Variants in GRK5 observed in about 807,000 individuals in gnomAD.
The protein encoded by GRK5 is G protein-coupled receptor kinase 5.
GRK5 carries 40 observed loss-of-function variants against 78.4 expected under a neutral mutation model. That is an observed-to-expected ratio of 0.51 (90% CI 0.40 to 0.66). The LOEUF (loss-of-function observed/expected upper bound fraction) is 0.66, where lower values mean the gene tolerates loss of function less well. GRK5 is among the 30% of genes least tolerant of loss of function. The pLI, the probability that GRK5 is intolerant of heterozygous loss-of-function variation, is 0.00. For missense variants in GRK5, 598 were observed against 759.9 expected, an observed-to-expected ratio of 0.79 and a Z score of 2.50; for synonymous variants, 289 against 296.8, an observed-to-expected ratio of 0.97 and a Z score of 0.27.
Position 119,454,950 on chromosome 10 carries a change from C to CCCCCAA in GRK5, c.1675-7_1675-2dup, listed in dbSNP as rs1298624176. 5 of 1,563,160 alleles carry CCCCCAA rather than the reference C, an allele frequency of 3.2e-6. No individual in the cohort carries two copies. The highest frequency in any genetic ancestry group is 3.5e-6 in the Non-Finnish European group (4 of 1,134,874). Reference sequence around the variant, plus strand: ...GACTTCTGTTCTCTCCACCCCGTCTCCCCCAACCCCAACCCCAGCATCAGA... The same window carrying CCCCCAA: ...GACTTCTGTTCTCTCCACCCCGTCTCCCCCAACCCCAACCCCAACCCCAGCATCAGA... On this transcript the variant is annotated intron_variant, in intron 15 of 15. Transcript: ENST00000392870.
intron 1 of GRK5, among the ~76,000 whole-genome samples, chr10:119,213,646 T>TG (rs949343297): frequency 6.6e-5 from 10 of 152,256 alleles, no homozygotes; most frequent in South Asian, 2.1e-4. Context: ...AGATGTATTT[T>TG]GGGGGGGCAG....
intron 12 of GRK5, among the ~76,000 whole-genome samples, chr10:119,446,577 TG>T (rs1160983074): frequency 1.3e-4 from 20 of 151,920 alleles, no homozygotes; most frequent in African/African-American, 4.8e-4. Context: ...GTGCAGCACC[TG>T]GGCCCAGCCC....
At chr10:119,277,879 C>A (rs1564873926) in intron 1 of GRK5, among the ~76,000 whole-genome samples, 1 of 151,848 alleles carries the variant, frequency 6.6e-6, no homozygotes, top group African/African-American at 2.4e-5. Flanking sequence ...ACTTACTCAG[C>A]ATGAAGATTT....
At chr10:119,249,790 T>G (rs754411270) in intron 1 of GRK5, among the ~76,000 whole-genome samples, 1 of 152,272 alleles carries the variant, frequency 6.6e-6, no homozygotes, top group Non-Finnish European at 1.5e-5. Flanking sequence ...CGTGAGCCAC[T>G]GCGTCCAGCT....
intron 2 of GRK5, among the ~76,000 whole-genome samples, chr10:119,341,679 T>C (rs1426787447): frequency 6.6e-6 from 1 of 152,100 alleles, no homozygotes; most frequent in Admixed American, 6.6e-5. Context: ...TGGGTCTGCC[T>C]GACTGTGTTT....
At chr10:119,337,866 C>T (rs947392177) in intron 2 of GRK5, among the ~76,000 whole-genome samples, 3 of 152,108 alleles carry the variant, frequency 2.0e-5, no homozygotes, top group Non-Finnish European at 4.4e-5. Flanking sequence ...AGGAGATCCT[C>T]CTGCCTTGGC....
At chr10:119,224,388 TATTATTTA>T (rs1296058578) in intron 1 of GRK5, among the ~76,000 whole-genome samples, 6 of 118,552 alleles carry the variant, frequency 5.1e-5, no homozygotes, top group Non-Finnish European at 1.1e-4. Context: ...TTTATTAATT[TATTATTTA>T]TTTATTTATT....
At chr10:119,375,467 C>G (rs1350520717) in intron 2 of GRK5, among the ~76,000 whole-genome samples, 2 of 152,218 alleles carry the variant, frequency 1.3e-5, no homozygotes, top group African/African-American at 4.8e-5. Flanking sequence ...GTCTTGCCCC[C>G]TCTGCCACGA....
intron 1 of GRK5, among the ~76,000 whole-genome samples, chr10:119,326,233 C>G (rs1055081481): frequency 2.4e-4 from 36 of 152,240 alleles, no homozygotes; most frequent in African/African-American, 7.7e-4. Context: ...TCTAGGGGAA[C>G]AGCCGTGGGG....
At position 119,352,338 on chromosome 10, in the gene GRK5, A is replaced by G. The variant is rs145144463; in HGVS notation, c.148+25727A>G. On this transcript the variant is annotated intron_variant, in intron 2 of 15. Transcript: ENST00000392870. ...GATAAGAGGGAAAGGGTAAAAGTAC[A>G]TATCTCCCAATGTGTGAGCCCCTTG... is the stretch of plus-strand genomic sequence containing the variant. Among the ~76,000 whole-genome samples, 216 of 152,300 alleles carry G rather than the reference A, an allele frequency of 1.4e-3. 2 individuals carry two copies. The highest frequency in any genetic ancestry group is 0.011 in the South Asian group (55 of 4,814).
intron 1 of GRK5, among the ~76,000 whole-genome samples, chr10:119,216,869 TG>T (rs1848583766): frequency 6.6e-6 from 1 of 151,934 alleles, no homozygotes; most frequent in South Asian, 2.1e-4. Context: ...GCAGGAGAAT[TG>T]TTTGAACCTG....
intron 2 of GRK5, among the ~76,000 whole-genome samples, chr10:119,367,927 C>T (rs1178265952): frequency 6.6e-6 from 1 of 152,252 alleles, no homozygotes; most frequent in African/African-American, 2.4e-5. Flanking sequence ...CCTCGCTAGA[C>T]CCCGGCCAGT....
chr10:119,270,013 G>A (rs990105648), intron 1 of GRK5, among the ~76,000 whole-genome samples: 1 of 152,076 alleles, frequency 6.6e-6, no homozygotes, highest in Non-Finnish European at 1.5e-5. Flanking sequence ...TACCTTGAAT[G>A]TACCTTCCTA....
At chr10:119,296,720 T>C (rs1850088530) in intron 1 of GRK5, among the ~76,000 whole-genome samples, 1 of 152,206 alleles carries the variant, frequency 6.6e-6, no homozygotes, top group African/African-American at 2.4e-5. Context: ...CCTCCTAAAA[T>C]CAGTTTTGCG....
chr10:119,313,219 TGAC>T (rs1244000064), intron 1 of GRK5, among the ~76,000 whole-genome samples: 17 of 147,204 alleles, frequency 1.2e-4, no homozygotes, highest in Non-Finnish European at 2.1e-4. Context: ...GTGGTGGTGG[TGAC>T]GGTAGTGATG....
chr10:119,396,226 C>T (rs17095987), intron 3 of GRK5, among the ~76,000 whole-genome samples: 3 of 152,194 alleles, frequency 2.0e-5, no homozygotes, highest in South Asian at 2.1e-4. Flanking sequence ...AAATTGTCTA[C>T]GATCACACAG....
chr10:119,236,807 T>C (rs1848941802), intron 1 of GRK5, among the ~76,000 whole-genome samples: 1 of 152,022 alleles, frequency 6.6e-6, no homozygotes, highest in African/African-American at 2.4e-5. Flanking sequence ...AATTTTTGTA[T>C]TTTTAGTAGA....
chr10:119,441,916 T>C, intron 10 of GRK5, 83 bp from the exon 11 acceptor site: 1 of 1,056,888 alleles, frequency 9.5e-7, no homozygotes, highest in South Asian at 1.3e-5. Context: ...CGAGAGCTCG[T>C]ATGCCTTGCC....
intron 1 of GRK5, among the ~76,000 whole-genome samples, chr10:119,280,256 G>C (rs1849740549): frequency 6.6e-6 from 1 of 152,224 alleles, no homozygotes; most frequent in Admixed American, 6.5e-5. Context: ...AACATGCTTT[G>C]TCTGAGTGTC....
Sources: gnomAD v4.1 joint callset for allele counts (sites outside exome capture counted in the v4.1 genomes callset) on GRCh38, gnomAD v4.1.1 for gene constraint, MANE v1.5 for transcripts, NCBI Gene and HGNC (gene_info 2026-07-23, HGNC 2026-07-21) for gene names.